Variants in SERPING1 observed in about 807,000 individuals in gnomAD.
The protein encoded by SERPING1 is plasma protease C1 inhibitor.
In SERPING1, 5 loss-of-function variants were observed where a neutral mutation model predicts 34.1. The ratio of observed to expected loss-of-function variants is 0.15; its 90% confidence interval spans 0.08 to 0.31. SERPING1 has a LOEUF of 0.31. Ranked by LOEUF, SERPING1 falls within the 10% of genes least tolerant of loss-of-function variation. The pLI is 1.00. For missense variants in SERPING1, 505 were observed against 609.5 expected (o/e 0.83, Z 1.81); for synonymous variants, 225 against 242.4 (o/e 0.93, Z 0.67).
intron 7 of SERPING1, among the ~76,000 whole-genome samples, chr11:57,612,270 G>C (rs1230363993): frequency 6.6e-6 from 1 of 152,096 alleles, no homozygotes; most frequent in Non-Finnish European, 1.5e-5. Flanking sequence ...AGGTAACCGA[G>C]GTGAATTATG....
rs530057124 is a variant in SERPING1, at chr11:57,601,167, G to A, written c.550+790G>A. On this transcript the variant is annotated intron_variant, in intron 3 of 7. Coordinates refer to ENST00000278407, the MANE Select transcript of SERPING1 (RefSeq NM_000062.3). ...TGTAATCCCAGCATTTTAGGAGGCC[G>A]AGGCGGGCAGATCACGAGGTCAGGA... is the stretch of plus-strand genomic sequence containing the variant. 2.6e-5 allele frequency among the ~76,000 whole-genome samples: 4 copies of A among 152,012 alleles called. No individual in the cohort carries two copies. In the South Asian group the frequency reaches 6.2e-4, roughly 24 times the overall value.
chr11:57,606,926 C>T (rs542056113), intron 6 of SERPING1: 16 of 452,278 alleles, frequency 3.5e-5, no homozygotes, highest in East Asian at 5.7e-5. Flanking sequence ...CATGTGTAGA[C>T]GTGTATAAGT....
chr11:57,609,047 G>A (rs1341000135), intron 6 of SERPING1, among the ~76,000 whole-genome samples: 1 of 152,102 alleles, frequency 6.6e-6, no homozygotes, highest in African/African-American at 2.4e-5. Flanking sequence ...AGGAGGCTGA[G>A]GCAGGTGGAT....
At chr11:57,603,783 G>A (rs1162546209) in intron 4 of SERPING1, among the ~76,000 whole-genome samples, 1 of 149,020 alleles carries the variant, frequency 6.7e-6, no homozygotes, top group African/African-American at 2.5e-5. Flanking sequence ...AGCTTGCAGT[G>A]AGCCGAGATT....
At chr11:57,605,602 G>A in intron 4 of SERPING1, 1 of 156,782 alleles carries the variant, frequency 6.4e-6, no homozygotes, top group Admixed American at 6.5e-5. Context: ...TTTTTTTTCA[G>A]TGGACTGAAG....
chr11:57,612,785 C>T (rs1945494545), intron 7 of SERPING1, among the ~76,000 whole-genome samples: 1 of 151,674 alleles, frequency 6.6e-6, no homozygotes, highest in South Asian at 2.1e-4. Flanking sequence ...CACTCTGTCA[C>T]CCAGGCTGGA....
intron 1 of SERPING1, 61 bp from the exon 2 acceptor site, chr11:57,598,188 G>A: frequency 7.5e-7 from 1 of 1,334,948 alleles, no homozygotes; most frequent in Non-Finnish European, 1.0e-6. Flanking sequence ...GGCCCCGGGC[G>A]GGGTGGGGGC....
intron 4 of SERPING1, among the ~76,000 whole-genome samples, chr11:57,605,134 C>T (rs532349191): frequency 6.6e-6 from 1 of 152,146 alleles, no homozygotes; most frequent in African/African-American, 2.4e-5. Flanking sequence ...TTATTACTTA[C>T]AAAGCTGTAA....
rs372078395 is a variant in SERPING1, at chr11:57,600,133, C to T, written c.306C>T (p.Pro102=). ...CCACCACCCAACCCACCATCCAACC[C>T]ACCCAACCAACTACCCAGCTCCCAA... The part of the protein sequence containing the change: ...TEPTTQPTIQ[P]TQPTTQLPTD... The change falls in exon 3 of 8, where the codon CCC becomes CCT. Residue 102 remains proline, a synonymous_variant. Transcript: ENST00000278407. 4.3e-6 allele frequency: 7 copies of T among 1,613,684 alleles called. No homozygotes were observed. The highest frequency in any genetic ancestry group is 3.3e-5 in the South Asian group (3 of 91,064).
rs61754492 is a variant in SERPING1 at position 57,602,125 on chromosome 11, C to T, written c.641C>T (p.Thr214Met). 2.9e-5 allele frequency: 47 copies of T among 1,614,064 alleles called. No homozygotes were observed. The Admixed American group carries it at 4.3e-4, about 15-fold the overall frequency. Reference protein sequence around the residue: ...TCVHQALKGFTTKGVTSVSQI... With the variant: ...TCVHQALKGFMTKGVTSVSQI... ...GTCCACCAGGCCCTGAAGGGCTTCACGACCAAAGGTGTCACCTCAGTCTCT... is the reference window on the plus strand; with the variant it reads ...GTCCACCAGGCCCTGAAGGGCTTCATGACCAAAGGTGTCACCTCAGTCTCT... Residue 214 changes from threonine to methionine, a missense_variant, in exon 4 of 8, where the codon ACG becomes ATG. Transcript: ENST00000278407.
intron 2 of SERPING1, among the ~76,000 whole-genome samples, chr11:57,599,481 C>T (rs886550892): frequency 1.3e-5 from 2 of 152,172 alleles, no homozygotes; most frequent in Non-Finnish European, 2.9e-5. Flanking sequence ...TCAAGGAGCA[C>T]AAGTTCAAAT....
At chr11:57,607,236 T>C (rs192076424) in intron 6 of SERPING1, among the ~76,000 whole-genome samples, 25 of 152,332 alleles carry the variant, frequency 1.6e-4, no homozygotes, top group Admixed American at 9.8e-4. Context: ...TGGTTCCACA[T>C]TGGGAGCTTT....
At chr11:57,612,413 T>C (rs1460196909) in intron 7 of SERPING1, among the ~76,000 whole-genome samples, 1 of 151,024 alleles carries the variant, frequency 6.6e-6, no homozygotes, top group Non-Finnish European at 1.5e-5. Context: ...CTTTTTTTTT[T>C]TTTTTTTTGA....
In SERPING1 at chr11:57,599,983, G is replaced by C. The variant is rs202124207; in HGVS notation, c.156G>C (p.Lys52Asn). The C allele has an allele frequency of 6.2e-7, 1 of 1,614,170 alleles. No homozygotes were observed. Among genetic ancestry groups the C allele is most frequent in the African/African-American group, 1.3e-5 (1 of 75,026 alleles). The stretch of plus-strand genomic sequence containing the variant: ...AGGTCGCAACAACAGTTATCTCCAA[G>C]ATGCTATTCGTTGAACCCATCCTGG... Reference protein sequence around the residue: ...EGKVATTVISKMLFVEPILEV... With the variant: ...EGKVATTVISNMLFVEPILEV... The change falls in exon 3 of 8, where the codon AAG becomes AAC. Residue 52 changes from lysine to asparagine, a missense_variant. Physicochemically the swap from Lys to Asn is moderately conservative, Grantham distance 94 (BLOSUM62 0). Coordinates refer to ENST00000278407, the MANE Select transcript of SERPING1 (RefSeq NM_000062.3).
intron 5 of SERPING1, 91 bp from the exon 6 acceptor site, chr11:57,606,317 C>T: frequency 6.3e-7 from 1 of 1,594,158 alleles, no homozygotes; most frequent in Non-Finnish European, 8.6e-7. Flanking sequence ...ATCTCAATGT[C>T]CCTGCACTAC....
intron 7 of SERPING1, among the ~76,000 whole-genome samples, chr11:57,613,612 T>G (rs1945504666): frequency 6.6e-6 from 1 of 152,198 alleles, no homozygotes; most frequent in Admixed American, 6.5e-5. Flanking sequence ...GGAGTTCTGT[T>G]TGCTACCTTC....
chr11:57,598,955 A>C (rs1167478281), intron 2 of SERPING1, among the ~76,000 whole-genome samples: 1 of 151,890 alleles, frequency 6.6e-6, no homozygotes, highest in Non-Finnish European at 1.5e-5. Flanking sequence ...GTGCACGCGC[A>C]AGTTGGTATC....
intron 6 of SERPING1, 151 bp downstream of exon 6, chr11:57,606,698 C>T (rs1278507395): frequency 1.2e-5 from 11 of 886,170 alleles, no homozygotes; most frequent in Non-Finnish European, 2.1e-5. Flanking sequence ...TTTTCTCCTT[C>T]TCCTTTCTCT....
At chr11:57,604,472 G>A (rs1053892664) in intron 4 of SERPING1, among the ~76,000 whole-genome samples, 2 of 152,046 alleles carry the variant, frequency 1.3e-5, no homozygotes, top group African/African-American at 4.8e-5. Context: ...TGAGCAGTGG[G>A]GAAGGGTTCA....
Sources: gnomAD v4.1 joint callset for allele counts (sites outside exome capture counted in the v4.1 genomes callset) on GRCh38, gnomAD v4.1.1 for gene constraint, MANE v1.5 for transcripts, NCBI Gene and HGNC (gene_info 2026-07-23, HGNC 2026-07-21) for gene names.